SUCO: variants seen among roughly 807,000 people sequenced by gnomAD.
SUCO encodes SUN domain-containing ossification factor.
In SUCO, 57 loss-of-function variants were observed where a neutral mutation model predicts 148.1. The ratio of observed to expected loss-of-function variants is 0.38; its 90% confidence interval spans 0.31 to 0.48. The LOEUF (loss-of-function observed/expected upper bound fraction) is 0.48, where lower values mean the gene tolerates loss of function less well. SUCO is among the 20% of genes least tolerant of loss of function. The probability of loss-of-function intolerance (pLI) is 0.96; values close to 1 mark genes in which losing one functional copy is unlikely to be tolerated. For synonymous variants in SUCO, 470 were observed against 502.7 expected, an observed-to-expected ratio of 0.93 and a Z score of 0.87; for missense variants, 1,331 against 1,468.2, an observed-to-expected ratio of 0.91 and a Z score of 1.53.
At chr1:172,603,682 A>G (rs1653023880) in intron 22 of SUCO, among the ~76,000 whole-genome samples, 2 of 152,034 alleles carry the variant, frequency 1.3e-5, no homozygotes, top group African/African-American at 2.4e-5. Flanking sequence ...AATTTTCACA[A>G]ACAATACAGC....
intron 11 of SUCO, 103 bp from the exon 12 acceptor site, chr1:172,577,436 C>G (rs1360070952): frequency 1.8e-6 from 2 of 1,113,016 alleles, no homozygotes; most frequent in South Asian, 2.8e-5. Context: ...ACATTACTCT[C>G]TATACTTTAT....
upstream of SUCO, chr1:172,533,058 GC>G: frequency 7.0e-7 from 1 of 1,429,592 alleles, no homozygotes; most frequent in Non-Finnish European, 9.1e-7. Flanking sequence ...AGGTGTCGCG[GC>G]CCCGCCGGCG....
At chr1:172,585,136 C>T (rs1380547285) in intron 16 of SUCO, 50 bp downstream of exon 16, 8 of 1,353,466 alleles carry the variant, frequency 5.9e-6, no homozygotes, top group Non-Finnish European at 8.1e-6. Flanking sequence ...TCCAGGGATC[C>T]TTATATTTAG....
chr1:172,553,188 A>G, intron 2 of SUCO, 72 bp from the exon 3 acceptor site: 3 of 1,396,396 alleles, frequency 2.1e-6, no homozygotes, highest in Admixed American at 2.7e-5. Context: ...GAAAAAAACC[A>G]TCTTCGTATT....
At chr1:172,594,858 TC>T (rs1656971250) in intron 19 of SUCO, among the ~76,000 whole-genome samples, 1 of 152,202 alleles carries the variant, frequency 6.6e-6, no homozygotes, top group Non-Finnish European at 1.5e-5. Flanking sequence ...TATTGATCTG[TC>T]GAATGTTGAC....
rs533492068 is a variant in SUCO at position 172,582,486 on chromosome 1, C to T, written c.1499-2532C>T. ...GACCAAATATTAGGAGCATTTTATTCCTAAAGGAATGAGGCGGGATGAATA... is the reference window on the plus strand; with the variant it reads ...GACCAAATATTAGGAGCATTTTATTTCTAAAGGAATGAGGCGGGATGAATA... On this transcript the variant is annotated intron_variant, in intron 15 of 23. Coordinates refer to ENST00000263688, the MANE Select transcript of SUCO (RefSeq NM_014283.5). Among the ~76,000 whole-genome samples the T allele has an allele frequency of 3.3e-5, 5 of 152,000 alleles. No homozygotes were observed. In the East Asian group the frequency reaches 7.7e-4, roughly 24 times the overall value.
At chr1:172,555,759 A>C (rs145020602) in intron 3 of SUCO, 110 bp from the exon 4 acceptor site, 19 of 859,160 alleles carry the variant, frequency 2.2e-5, no homozygotes, top group Non-Finnish European at 3.1e-5. Flanking sequence ...TTTAGTGAAC[A>C]TTGTTTATAT....
chr1:172,570,832 T>C (rs1471018854), intron 9 of SUCO, 102 bp downstream of exon 9: 6 of 748,968 alleles, frequency 8.0e-6, no homozygotes, highest in Non-Finnish European at 1.3e-5. Flanking sequence ...TTTAATAAGC[T>C]TTTATGATTG....
At chr1:172,544,984 G>A (rs543508933) in intron 1 of SUCO, among the ~76,000 whole-genome samples, 3 of 152,276 alleles carry the variant, frequency 2.0e-5, no homozygotes, top group African/African-American at 7.2e-5. Context: ...AAGGCAGTCA[G>A]AATGGGGATT....
chr1:172,553,617 C>T (rs1203273537), intron 3 of SUCO, among the ~76,000 whole-genome samples: 2 of 152,018 alleles, frequency 1.3e-5, no homozygotes, highest in African/African-American at 4.8e-5. Flanking sequence ...ATTTCTTCCT[C>T]GGTTCTATTT....
At chr1:172,586,857 G>A (rs1656281815) in intron 17 of SUCO, among the ~76,000 whole-genome samples, 1 of 152,066 alleles carries the variant, frequency 6.6e-6, no homozygotes, top group South Asian at 2.1e-4. Flanking sequence ...AATCCTGAAA[G>A]TTACTGGAGA....
At chr1:172,595,838 G>A (rs373457493) in intron 19 of SUCO, among the ~76,000 whole-genome samples, 26 of 152,286 alleles carry the variant, frequency 1.7e-4, no homozygotes, top group African/African-American at 5.5e-4. Context: ...TGCTAGGTTG[G>A]GGAAGTTCTC....
intron 22 of SUCO, among the ~76,000 whole-genome samples, chr1:172,607,880 A>C (rs1332237260): frequency 1.3e-5 from 2 of 151,968 alleles, no homozygotes; most frequent in African/African-American, 2.4e-5. Context: ...AAAAAATTAT[A>C]ATTGGTTGAA....
intron 1 of SUCO, among the ~76,000 whole-genome samples, chr1:172,540,848 T>C (rs1652398761): frequency 6.6e-6 from 1 of 152,106 alleles, no homozygotes; most frequent in Non-Finnish European, 1.5e-5. Flanking sequence ...CTAGTTGATA[T>C]GGGTAAGAGT....
chr1:172,606,007 TTTATA>T (rs977374928), intron 22 of SUCO, among the ~76,000 whole-genome samples: 19 of 151,654 alleles, frequency 1.3e-4, no homozygotes, highest in Non-Finnish European at 2.2e-4. Flanking sequence ...TATAAATTTT[TTTATA>T]TTATATTTTA....
In SUCO at chr1:172,589,153, A is replaced by C. The variant is rs775466345; in HGVS notation, c.2052A>C (p.Glu684Asp). The change falls in exon 18 of 24, where the codon GAA (glutamate) becomes GAC (aspartate). Residue 684 changes from glutamate (E) to aspartate (D), a missense_variant. By Grantham distance (45) the Glu-to-Asp change is conservative (BLOSUM62 2). This residue lies in a region of SUCO where 992 missense variants were observed against 1,093.5 expected (regional missense o/e 0.91). Transcript: ENST00000263688. ...CAGTATTGCAACCTCTGAGTGGAGA[A>C]TTGGAAAATACGAATATAGAAAGGG... ...DVSVLQPLSG[E>D]LENTNIEREA... The C allele has an allele frequency of 6.2e-7, 1 of 1,613,926 alleles. No individual in the cohort carries two copies. Among genetic ancestry groups the C allele is most frequent in the Non-Finnish European group, 8.5e-7 (1 of 1,179,910 alleles).
At chr1:172,569,237 T>C in intron 7 of SUCO, 95 bp downstream of exon 7, 2 of 1,216,990 alleles carry the variant, frequency 1.6e-6, no homozygotes, top group Non-Finnish European at 2.2e-6. Context: ...AAAATAAAAT[T>C]TACTTTTGAA....
rs751523969 is a variant in SUCO, at chr1:172,604,649, CTG to C, written c.3265+1866_3265+1867del. ...TGTTTTCGTCTTGCAAACCTGAACT[CTG>C]TGTCCATTAACCAATTCCCCTTTTC... On this transcript the variant is annotated intron_variant, in intron 22 of 23. Coordinates refer to ENST00000263688, the MANE Select transcript of SUCO (RefSeq NM_014283.5). Among the ~76,000 whole-genome samples, 336 of 151,870 alleles carry C rather than the reference CTG, an allele frequency of 2.2e-3. 2 individuals are homozygous for C. Among genetic ancestry groups the C allele is most frequent in the Non-Finnish European group, 3.5e-3 (235 of 67,690 alleles).
At position 172,602,140 on chromosome 1, in the gene SUCO, G is replaced by A. The variant is rs149087308; in HGVS notation, c.3095G>A (p.Arg1032His). 3.7e-5 allele frequency: 59 copies of A among 1,613,458 alleles called. No individual in the cohort carries two copies. The highest frequency in any genetic ancestry group is 8.0e-5 in the African/African-American group (6 of 74,852). The change falls in exon 21 of 24, where the codon CGT (arginine) becomes CAT (histidine). Residue 1032 changes from arginine to histidine, a missense_variant. Around this residue, in one of 3 missense-constraint regions of SUCO, gnomAD observed 334 missense variants for 352.3 expected, o/e 0.95. Coordinates refer to ENST00000263688, the MANE Select transcript of SUCO (RefSeq NM_014283.5). Reference protein sequence around the residue: ...VVLGLMLCMQRCRNTSQFDGD... With the variant: ...VVLGLMLCMQHCRNTSQFDGD... ...TTGGGACTGATGCTTTGTATGCAGCGTTGTCGAAATACTTCTCAATTTGAT... is the reference window on the plus strand; with the variant it reads ...TTGGGACTGATGCTTTGTATGCAGCATTGTCGAAATACTTCTCAATTTGAT...
Sources: gnomAD v4.1 joint callset for allele counts (sites outside exome capture counted in the v4.1 genomes callset) on GRCh38, gnomAD v4.1.1 for gene constraint, gnomAD v4.1.1 regional missense constraint, MANE v1.5 for transcripts, NCBI Gene and HGNC (gene_info 2026-07-23, HGNC 2026-07-21) for gene names.